The following LARGE1 variants were observed in gnomAD, a reference collection of about 807,000 sequenced individuals.
LARGE1 encodes the protein LARGE xylosyl- and glucuronyltransferase 1, also known as xylosyl- and glucuronyltransferase LARGE1.
In LARGE1, 43 loss-of-function variants were observed where a neutral mutation model predicts 87.6. That is an observed-to-expected ratio of 0.49 (90% CI 0.38 to 0.63). The LOEUF (loss-of-function observed/expected upper bound fraction) is 0.63. Among genes scored for constraint, LARGE1 ranks in the 30% least tolerant of loss-of-function variants. LARGE1 has a pLI of 0.00. For synonymous variants in LARGE1, 434 were observed against 394.6 expected (o/e 1.10, Z -1.18); for missense variants, 802 against 1,000.2 (o/e 0.80, Z 2.67).
At chr22:33,444,099 G>C (rs763554876) in intron 6 of LARGE1, among the ~76,000 whole-genome samples, 7 of 152,238 alleles carry the variant, frequency 4.6e-5, no homozygotes, top group African/African-American at 9.6e-5. Context: ...CTGCAAAGCG[G>C]GGTTGTAGAA....
chr22:33,738,336 G>T (rs1322688620), intron 2 of LARGE1, among the ~76,000 whole-genome samples: 1 of 152,182 alleles, frequency 6.6e-6, no homozygotes, highest in Non-Finnish European at 1.5e-5. Context: ...GCTGCTTGCT[G>T]GGCGAAGGGG....
chr22:33,642,393 T>A (rs1170154592), intron 3 of LARGE1, among the ~76,000 whole-genome samples: 1 of 151,972 alleles, frequency 6.6e-6, no homozygotes, highest in Non-Finnish European at 1.5e-5. Flanking sequence ...AAGCACTAAA[T>A]ATGGAAAGGA....
At chr22:33,398,403 T>A (rs1313908152) in intron 7 of LARGE1, among the ~76,000 whole-genome samples, 3 of 152,160 alleles carry the variant, frequency 2.0e-5, no homozygotes, top group Non-Finnish European at 2.9e-5. Context: ...CTGAGCTATT[T>A]CTGACTCCTC....
intron 6 of LARGE1, among the ~76,000 whole-genome samples, chr22:33,498,733 A>T (rs2070279799): frequency 6.6e-6 from 1 of 152,188 alleles, no homozygotes; most frequent in Non-Finnish European, 1.5e-5. Context: ...GCACTTTGGG[A>T]GGCCGAGGTG....
chr22:33,239,001 A>G (rs1197784136), intron 11 of LARGE1, among the ~76,000 whole-genome samples: 1 of 152,128 alleles, frequency 6.6e-6, no homozygotes, highest in African/African-American at 2.4e-5. Flanking sequence ...AAATAGAAAA[A>G]AAATAAGATC....
At chr22:33,286,581 G>A (rs1931577923) in intron 12 of LARGE1, among the ~76,000 whole-genome samples, 1 of 152,176 alleles carries the variant, frequency 6.6e-6, no homozygotes, top group Admixed American at 6.5e-5. Context: ...TAAACGTCTC[G>A]AGATGCTAGA....
chr22:33,548,000 C>T (rs1021717220), intron 6 of LARGE1, among the ~76,000 whole-genome samples: 6 of 151,932 alleles, frequency 3.9e-5, no homozygotes, highest in Non-Finnish European at 7.4e-5. Flanking sequence ...CCTACCCCAC[C>T]CCCCAACTCC....
At chr22:33,214,393 T>C (rs1384840926) in intron 11 of LARGE1, among the ~76,000 whole-genome samples, 1 of 152,112 alleles carries the variant, frequency 6.6e-6, no homozygotes, top group East Asian at 1.9e-4. Context: ...TTTAAAGTCC[T>C]GTCTACTACT....
intron 2 of LARGE1, among the ~76,000 whole-genome samples, chr22:33,688,999 T>G (rs2082020334): frequency 6.6e-6 from 1 of 152,150 alleles, no homozygotes; most frequent in Admixed American, 6.5e-5. Flanking sequence ...CACATCTAAA[T>G]GTAAAAACAC....
intron 6 of LARGE1, among the ~76,000 whole-genome samples, chr22:33,560,579 C>G (rs2077825414): frequency 6.6e-6 from 1 of 152,234 alleles, no homozygotes; most frequent in South Asian, 2.1e-4. Flanking sequence ...AACAGCCTCC[C>G]CAAATGACAA....
At chr22:33,159,831 C>T (rs144829598), downstream of LARGE1, among the ~76,000 whole-genome samples, 6,813 of 151,866 alleles carry the variant, frequency 0.045, 481 homozygotes, top group African/African-American at 0.15. Flanking sequence ...TTATGATCCA[C>T]CCGCCTCAGC....
chr22:33,163,107 G>T (rs1922089788), exon 12 of LARGE1: 1 of 152,104 alleles, frequency 6.6e-6, no homozygotes, highest in Non-Finnish European at 1.5e-5. Context: ...CAAATATTAT[G>T]AGTTTCTTTT....
intron 11 of LARGE1, among the ~76,000 whole-genome samples, chr22:33,253,283 A>G (rs574096530): frequency 1.3e-5 from 2 of 152,340 alleles, no homozygotes; most frequent in African/African-American, 4.8e-5. Context: ...GGGAACTAAT[A>G]AGTGCAAGTC....
intron 6 of LARGE1, among the ~76,000 whole-genome samples, chr22:33,501,564 T>A (rs749614199): frequency 6.6e-6 from 1 of 152,238 alleles, no homozygotes. Context: ...GATCTCAATG[T>A]GCTCTGGGTT....
At chr22:33,881,641 T>C (rs2064686603) in intron 1 of LARGE1, among the ~76,000 whole-genome samples, 1 of 152,244 alleles carries the variant, frequency 6.6e-6, no homozygotes, top group South Asian at 2.1e-4. Flanking sequence ...TGAACAGTTT[T>C]GTTTAAATAG....
In LARGE1 at chr22:33,463,741, C is replaced by T. The variant is rs58228660; in HGVS notation, c.788-31476G>A. ...AGGCTGGAGTGCCGTGGCGCAACCT[C>T]GGCTCACCATAACCTCCGCCTCCCA... On this transcript the variant is annotated intron_variant, in intron 6 of 14. Transcript: ENST00000397394. 4.3e-3 allele frequency among the ~76,000 whole-genome samples: 654 copies of T among 152,224 alleles called. 8 individuals carry two copies. The highest frequency in any genetic ancestry group is 0.015 in the African/African-American group (620 of 41,532).
chr22:33,452,477 T>C (rs2067970793), intron 6 of LARGE1, among the ~76,000 whole-genome samples: 1 of 152,180 alleles, frequency 6.6e-6, no homozygotes, highest in Non-Finnish European at 1.5e-5. Context: ...GCAGGCCTGG[T>C]ACACCTGTCT....
chr22:33,517,691 G>A (rs2071380082), intron 6 of LARGE1, among the ~76,000 whole-genome samples: 1 of 152,306 alleles, frequency 6.6e-6, no homozygotes, highest in African/African-American at 2.4e-5. Context: ...GAGCCACTGT[G>A]CCGGGCCGCC....
chr22:33,754,624 C>T (rs2084442533), intron 2 of LARGE1, among the ~76,000 whole-genome samples: 1 of 152,202 alleles, frequency 6.6e-6, no homozygotes, highest in South Asian at 2.1e-4. Flanking sequence ...GCGTGAGCCA[C>T]CGTGCCCGGC....
Sources: allele counts gnomAD v4.1 joint callset (sites outside exome capture counted in the v4.1 genomes callset), GRCh38; gene constraint gnomAD v4.1.1; transcripts MANE v1.5; gene names NCBI Gene and HGNC (gene_info 2026-07-23, HGNC 2026-07-21).